Variants in DLGAP1 observed in about 807,000 individuals in gnomAD.
DLGAP1 encodes DLG associated protein 1.
In DLGAP1, 11 loss-of-function variants were observed where a neutral mutation model predicts 90.8. The observed-to-expected ratio is 0.12, with a 90% CI of 0.08 to 0.20. The LOEUF (loss-of-function observed/expected upper bound fraction) is 0.20, where lower values mean the gene tolerates loss of function less well. Among genes scored for constraint, DLGAP1 ranks in the 10% least tolerant of loss-of-function variants. The pLI is 1.00. For synonymous variants in DLGAP1, 558 were observed against 540.7 expected (o/e 1.03, Z -0.44); for missense variants, 1,050 against 1,333.8 (o/e 0.79, Z 3.31).
chr18:4,164,419 G>A (rs1324574197), intron 1 of DLGAP1, among the ~76,000 whole-genome samples: 3 of 152,248 alleles, frequency 2.0e-5, no homozygotes, highest in African/African-American at 7.2e-5. Flanking sequence ...GGTGGCTCAC[G>A]CCTGTAATCC....
At chr18:3,591,077 T>C (rs558210388) in intron 7 of DLGAP1, among the ~76,000 whole-genome samples, 3 of 152,252 alleles carry the variant, frequency 2.0e-5, no homozygotes, top group African/African-American at 7.2e-5. Flanking sequence ...TGCAGCAGAT[T>C]GAGGGCAAAC....
intron 4 of DLGAP1, among the ~76,000 whole-genome samples, chr18:3,871,716 A>G (rs2070758606): frequency 6.6e-6 from 1 of 152,196 alleles, no homozygotes; most frequent in African/African-American, 2.4e-5. Context: ...CTGTTTCTCC[A>G]CTTCATAGTC....
intron 1 of DLGAP1, among the ~76,000 whole-genome samples, chr18:4,439,271 A>G (rs1305442234): frequency 6.6e-6 from 1 of 152,226 alleles, no homozygotes; most frequent in African/African-American, 2.4e-5. Flanking sequence ...AGGAGATGAT[A>G]TATTTGTAGA....
chr18:3,846,043 G>GGTGTGTGTGTGTGTGTGTGT lies in DLGAP1; in HGVS notation c.958-31790_958-31771dup, dbSNP rs35460885. Among the ~76,000 whole-genome samples, 37 of 145,128 alleles carry GGTGTGTGTGTGTGTGTGTGT rather than the reference G, an allele frequency of 2.5e-4. No homozygotes were observed. The East Asian group carries it at 4.7e-3, about 19-fold the overall frequency. On this transcript the variant is annotated intron_variant, in intron 4 of 12. Coordinates refer to ENST00000315677, the MANE Select transcript of DLGAP1 (RefSeq NM_004746.4). ...TCCCAGAAAATCTTATTGAAAGTGT[G>GGTGTGTGTGTGTGTGTGTGT]GTGTGTGTGTGTGTGTGTGTGTGTG...
intron 8 of DLGAP1, among the ~76,000 whole-genome samples, chr18:3,575,913 T>C (rs1322298590): frequency 6.6e-6 from 1 of 152,170 alleles, no homozygotes; most frequent in Non-Finnish European, 1.5e-5. Flanking sequence ...GGTGCTCCCA[T>C]AAGAACATAG....
At chr18:3,807,459 T>C (rs536518002) in intron 5 of DLGAP1, among the ~76,000 whole-genome samples, 1 of 152,312 alleles carries the variant, frequency 6.6e-6, no homozygotes, top group East Asian at 1.9e-4. Context: ...AGATGGAAAT[T>C]TGTCATTTGT....
chr18:4,275,372 T>A (rs35840918), intron 1 of DLGAP1: 2,389 of 152,296 alleles, frequency 0.016, 33 homozygotes, highest in Non-Finnish European at 0.024. Context: ...ATGTTACTTC[T>A]CAAACAGGTA....
intron 2 of DLGAP1, among the ~76,000 whole-genome samples, chr18:4,025,296 T>C (rs958510630): frequency 3.4e-5 from 5 of 149,172 alleles, no homozygotes; most frequent in South Asian, 2.2e-4. Flanking sequence ...AATCCAAAAA[T>C]CTGAAATCCA....
intron 3 of DLGAP1, chr18:3,983,175 A>T (rs2149034426): frequency 6.6e-6 from 1 of 152,160 alleles, no homozygotes. Flanking sequence ...ATTTTTTCTT[A>T]TTCATTAATT....
At chr18:4,064,983 A>G (rs1012402764) in intron 2 of DLGAP1, among the ~76,000 whole-genome samples, 1 of 152,186 alleles carries the variant, frequency 6.6e-6, no homozygotes, top group African/African-American at 2.4e-5. Context: ...ATCCACCACA[A>G]TCAAGTAGGC....
At position 3,600,650 on chromosome 18, in the gene DLGAP1, ATATAGATATCTATAGAGATC is replaced by A. The variant is rs568326103; in HGVS notation, c.1592-18422_1592-18403del. 9.3e-4 allele frequency among the ~76,000 whole-genome samples: 136 copies of A among 145,798 alleles called. 7 individuals are homozygous for A. Among genetic ancestry groups the A allele is most frequent in the East Asian group, 5.8e-3 (29 of 5,016 alleles). ...TGTCTATATACATTACAGAATGGAGATATAGATATCTATAGAGATCTATAGATATCTATAGAGATCTATAT... is the reference window on the plus strand; with the variant it reads ...TGTCTATATACATTACAGAATGGAGATATAGATATCTATAGAGATCTATAT... On this transcript the variant is annotated intron_variant, in intron 7 of 12. Coordinates refer to ENST00000315677, the MANE Select transcript of DLGAP1 (RefSeq NM_004746.4).
chr18:3,613,706 T>A (rs2057732449), intron 7 of DLGAP1, among the ~76,000 whole-genome samples: 1 of 152,188 alleles, frequency 6.6e-6, no homozygotes, highest in Non-Finnish European at 1.5e-5. Context: ...AACGCCCAGA[T>A]GAGTTAACAG....
At position 3,496,124 on chromosome 18, in the gene DLGAP1, G is replaced by A. The variant is rs565045078; in HGVS notation, c.*3061C>T. On this transcript the variant is annotated 3_prime_UTR_variant, in exon 13 of 13. Transcript: ENST00000315677. ...TATTTTTTTGTTCACACACAATCTAGGTAAATAAGCCTATGAAATTCCAAT... is the reference window on the plus strand; with the variant it reads ...TATTTTTTTGTTCACACACAATCTAAGTAAATAAGCCTATGAAATTCCAAT... 6.6e-6 allele frequency: 1 copy of A among 151,980 alleles called. No individual in the cohort carries two copies. Among genetic ancestry groups the A allele is most frequent in the Non-Finnish European group, 1.5e-5 (1 of 67,992 alleles). 9.4% of individuals were successfully genotyped at this position (151,980 alleles called of 1,614,324 possible).
At chr18:3,960,969 T>C (rs1182496145) in intron 3 of DLGAP1, among the ~76,000 whole-genome samples, 1 of 152,188 alleles carries the variant, frequency 6.6e-6, no homozygotes, top group Admixed American at 6.5e-5. Flanking sequence ...GACCTGGGGT[T>C]AGGGGGAGTC....
chr18:3,668,787 C>T (rs1208335377), intron 7 of DLGAP1, among the ~76,000 whole-genome samples: 1 of 152,094 alleles, frequency 6.6e-6, no homozygotes, highest in Non-Finnish European at 1.5e-5. Context: ...CACCTAAGGC[C>T]AGGAGTTCGA....
intron 3 of DLGAP1, among the ~76,000 whole-genome samples, chr18:3,976,228 T>C (rs1305845113): frequency 8.7e-6 from 1 of 115,326 alleles, no homozygotes; most frequent in Non-Finnish European, 1.8e-5. Context: ...TAACGATAAT[T>C]AGCCAGGTGT....
At chr18:3,692,728 G>GA (rs1344036239) in intron 7 of DLGAP1, among the ~76,000 whole-genome samples, 1 of 152,146 alleles carries the variant, frequency 6.6e-6, no homozygotes, top group African/African-American at 2.4e-5. Flanking sequence ...TTGGGAGAGG[G>GA]ATATTATCTT....
At chr18:3,799,690 TTAAA>T (rs1447655808) in intron 5 of DLGAP1, among the ~76,000 whole-genome samples, 21 of 152,126 alleles carry the variant, frequency 1.4e-4, no homozygotes, top group Admixed American at 4.6e-4. Context: ...GGGCAACCAC[TTAAA>T]TAAACTCAGG....
At chr18:4,387,580 A>G (rs1161770033) in intron 1 of DLGAP1, among the ~76,000 whole-genome samples, 2 of 152,196 alleles carry the variant, frequency 1.3e-5, no homozygotes, top group Non-Finnish European at 2.9e-5. Flanking sequence ...TGCTTTCTCT[A>G]TGACATTTTG....
Sources: allele counts gnomAD v4.1 joint callset (sites outside exome capture counted in the v4.1 genomes callset), GRCh38; gene constraint gnomAD v4.1.1; transcripts MANE v1.5; gene names NCBI Gene and HGNC (gene_info 2026-07-23, HGNC 2026-07-21).